EYS: variants seen among roughly 807,000 people sequenced by gnomAD.
EYS encodes the protein protein eyes shut homolog.
In EYS, 250 loss-of-function variants were observed where a neutral mutation model predicts 282.1. The observed-to-expected ratio is 0.89, with a 90% CI of 0.80 to 0.98. The LOEUF is 0.98. Among genes scored for constraint, EYS ranks in the 50% least tolerant of loss-of-function variants. The pLI is 0.00. For synonymous variants in EYS, 1,355 were observed against 1,282.9 expected, an observed-to-expected ratio of 1.06 and a Z score of -1.20; for missense variants, 4,016 against 3,709.0, an observed-to-expected ratio of 1.08 and a Z score of -2.15.
At chr6:64,919,821 C>A (rs948926627) in intron 15 of EYS, among the ~76,000 whole-genome samples, 1 of 152,030 alleles carries the variant, frequency 6.6e-6, no homozygotes, top group African/African-American at 2.4e-5. Context: ...TTCTAAAAAA[C>A]AATTCAAGGC....
chr6:64,720,665 G>A (rs1393325324), intron 22 of EYS, among the ~76,000 whole-genome samples: 1 of 152,118 alleles, frequency 6.6e-6, no homozygotes, highest in East Asian at 1.9e-4. Context: ...TGGAAGAAAG[G>A]TTCCAGGTGA....
At chr6:65,555,512 A>G (rs898528067) in intron 2 of EYS, among the ~76,000 whole-genome samples, 12 of 152,262 alleles carry the variant, frequency 7.9e-5, no homozygotes, top group African/African-American at 2.2e-4. Flanking sequence ...ATGTTTATAT[A>G]TTTAATTTTC....
In EYS at chr6:63,788,144, G is replaced by C. The variant is rs1770414327; in HGVS notation, c.7684C>G (p.Leu2562Val). The change falls in exon 39 of 43, where the codon CTC (leucine) becomes GTC (valine). Residue 2562 changes from leucine (L) to valine (V), a missense_variant. Coordinates refer to ENST00000503581, the MANE Select transcript of EYS (RefSeq NM_001142800.2). ...VGGYSEYTPD[L>V]LPNGADFKNG... ...TTAAAATCTGCTCCATTTGGTAAGA[G>C]ATCTGGAGTGTATTCACTGTAGCCA... is the stretch of plus-strand genomic sequence containing the variant. 6.5e-7 allele frequency: 1 copy of C among 1,548,490 alleles called. No homozygotes were observed.
intron 22 of EYS, among the ~76,000 whole-genome samples, chr6:64,722,721 T>C (rs1425702220): frequency 6.6e-6 from 1 of 152,184 alleles, no homozygotes; most frequent in Non-Finnish European, 1.5e-5. Flanking sequence ...AGGTCTCTTT[T>C]TGACACAGGT....
intron 12 of EYS, among the ~76,000 whole-genome samples, chr6:65,283,697 A>C (rs570736650): frequency 6.6e-6 from 1 of 151,922 alleles, no homozygotes; most frequent in East Asian, 1.9e-4. Context: ...TCATTTCATA[A>C]CCTTTTTTTC....
chr6:64,560,401 ATAAT>A (rs749781991), intron 26 of EYS, among the ~76,000 whole-genome samples: 17 of 152,072 alleles, frequency 1.1e-4, no homozygotes, highest in Non-Finnish European at 2.2e-4. Context: ...AATTTTCACA[ATAAT>A]TATAAGTTAG....
intron 29 of EYS, among the ~76,000 whole-genome samples, chr6:64,312,118 A>G (rs1769735909): frequency 6.6e-6 from 1 of 151,962 alleles, no homozygotes; most frequent in Non-Finnish European, 1.5e-5. Context: ...CCAACAAGCT[A>G]AGATCCAGTG....
intron 19 of EYS, among the ~76,000 whole-genome samples, chr6:64,831,993 G>A (rs2150028663): frequency 6.6e-6 from 1 of 152,012 alleles, no homozygotes; most frequent in African/African-American, 2.4e-5. Context: ...AAGGTGAAGA[G>A]ATGCAGAATA....
chr6:63,729,233 T>C (rs1165653010), intron 41 of EYS, among the ~76,000 whole-genome samples: 4 of 152,204 alleles, frequency 2.6e-5, no homozygotes, highest in Non-Finnish European at 5.9e-5. Context: ...CTCTATCAGA[T>C]ATATATTTTG....
chr6:64,161,787 T>C (rs1271732008), intron 31 of EYS, among the ~76,000 whole-genome samples: 7 of 152,214 alleles, frequency 4.6e-5, no homozygotes, highest in Non-Finnish European at 1.0e-4. Context: ...ACTCAGATGA[T>C]CTCTGTATAT....
At chr6:65,519,708 A>ATATATATATTTTT (rs1554205854) in intron 2 of EYS, among the ~76,000 whole-genome samples, 2 of 42,562 alleles carry the variant, frequency 4.7e-5, no homozygotes, top group African/African-American at 2.5e-4. Flanking sequence ...ATATATATAT[A>ATATATATATTTTT]TTTTTTTTTT....
At chr6:65,590,665 T>G (rs1327096565) in intron 2 of EYS, among the ~76,000 whole-genome samples, 5 of 152,030 alleles carry the variant, frequency 3.3e-5, no homozygotes, top group African/African-American at 1.2e-4. Flanking sequence ...CTAGCAACTA[T>G]TCTACTCTTT....
At chr6:64,783,435 A>G (rs1773923729) in intron 22 of EYS, among the ~76,000 whole-genome samples, 1 of 151,840 alleles carries the variant, frequency 6.6e-6, no homozygotes, top group Non-Finnish European at 1.5e-5. Flanking sequence ...TCTTACTGCC[A>G]TGGGGAAGGC....
At chr6:65,626,904 A>AAC (rs1375236038) in intron 2 of EYS, among the ~76,000 whole-genome samples, 29 of 101,066 alleles carry the variant, frequency 2.9e-4, no homozygotes, top group South Asian at 2.1e-3. Flanking sequence ...ATGTAAAAAA[A>AAC]ACACACACAC....
chr6:64,291,861 T>G (rs1167897872), intron 30 of EYS, among the ~76,000 whole-genome samples: 1 of 152,058 alleles, frequency 6.6e-6, no homozygotes, highest in African/African-American at 2.4e-5. Flanking sequence ...TCTTGTAAAT[T>G]TATTGGGAAT....
At chr6:64,608,077 A>G (rs1766991214) in intron 24 of EYS, among the ~76,000 whole-genome samples, 1 of 152,182 alleles carries the variant, frequency 6.6e-6, no homozygotes, top group South Asian at 2.1e-4. Flanking sequence ...ATTGTAGAAA[A>G]CAATGCATTA....
At chr6:65,182,013 A>T (rs960037968) in intron 12 of EYS, among the ~76,000 whole-genome samples, 1 of 151,912 alleles carries the variant, frequency 6.6e-6, no homozygotes, top group Non-Finnish European at 1.5e-5. Context: ...AACAATGAGA[A>T]CACATGGACA....
At chr6:63,760,498 AG>A (rs1042681012) in intron 41 of EYS, among the ~76,000 whole-genome samples, 3 of 152,018 alleles carry the variant, frequency 2.0e-5, no homozygotes, top group Admixed American at 6.6e-5. Flanking sequence ...TAGAATATCA[AG>A]GTATATCTTT....
intron 41 of EYS, among the ~76,000 whole-genome samples, chr6:63,734,026 A>C (rs1270157096): frequency 6.6e-6 from 1 of 152,200 alleles, no homozygotes. Context: ...ACACAGAAAC[A>C]GAAAACCAAA....
Sources: allele counts gnomAD v4.1 joint callset (sites outside exome capture counted in the v4.1 genomes callset), GRCh38; gene constraint gnomAD v4.1.1; transcripts MANE v1.5; gene names NCBI Gene and HGNC (gene_info 2026-07-23, HGNC 2026-07-21).